REEP1: variants seen among roughly 807,000 people sequenced by gnomAD.
REEP1 encodes the protein receptor expression-enhancing protein 1.
A neutral mutation model predicts 40.3 loss-of-function variants in REEP1; 22 were observed. That is an observed-to-expected ratio of 0.55 (90% CI 0.39 to 0.78). The LOEUF is 0.78. Among genes scored for constraint, REEP1 ranks in the 30% least tolerant of loss-of-function variants. The pLI is 0.00. For synonymous variants in REEP1, 116 were observed against 139.2 expected (o/e 0.83, Z 1.17); for missense variants, 280 against 361.1 (o/e 0.78, Z 1.82).
chr2:86,272,123 G>A (rs1677488774), intron 2 of REEP1, among the ~76,000 whole-genome samples: 1 of 152,214 alleles, frequency 6.6e-6, no homozygotes, highest in Non-Finnish European at 1.5e-5. Context: ...TCAGGAGGCT[G>A]AGGCAGGAGA....
chr2:86,288,726 G>C (rs964991130), intron 1 of REEP1, among the ~76,000 whole-genome samples: 1 of 152,122 alleles, frequency 6.6e-6, no homozygotes, highest in Admixed American at 6.5e-5. Flanking sequence ...ACTCCTTCCT[G>C]CAAGTGTCTA....
upstream of REEP1, chr2:86,337,965 C>G (rs1439420053): frequency 2.8e-6 from 4 of 1,443,132 alleles, no homozygotes; most frequent in African/African-American, 1.4e-5. The surrounding 1 kb of genome is among the most constrained non-coding windows in gnomAD (Gnocchi z 5.8). Context: ...CTGCACCTGT[C>G]TAGGTGGGAT....
intron 5 of REEP1, among the ~76,000 whole-genome samples, chr2:86,248,525 G>T (rs1676091831): frequency 6.6e-6 from 1 of 152,022 alleles, no homozygotes; most frequent in South Asian, 2.1e-4. Context: ...ATGGTTCACT[G>T]CAGTTTCTAC....
chr2:86,252,188 CT>C, intron 4 of REEP1, 118 bp from the exon 5 acceptor site: 1 of 775,244 alleles, frequency 1.3e-6, no homozygotes, highest in South Asian at 1.4e-5. Flanking sequence ...CTTGCTGGGC[CT>C]GAAAAGCTGT....
intron 5 of REEP1, among the ~76,000 whole-genome samples, chr2:86,237,176 G>A (rs1217525546): frequency 6.6e-6 from 1 of 151,834 alleles, no homozygotes; most frequent in African/African-American, 2.4e-5. Context: ...GACAACTGAA[G>A]CCCCTGAGTG....
At chr2:86,262,585 G>A (rs1441812869) in intron 3 of REEP1, among the ~76,000 whole-genome samples, 1 of 152,222 alleles carries the variant, frequency 6.6e-6, no homozygotes, top group Admixed American at 6.5e-5. Context: ...ACAGGATTCA[G>A]AGAGTGCTAT....
At chr2:86,282,272 G>T (rs192715169) in intron 1 of REEP1, 30 bp from the exon 2 acceptor site, 46 of 1,464,932 alleles carry the variant, frequency 3.1e-5, no homozygotes, top group Non-Finnish European at 4.1e-5. Flanking sequence ...AAATAAATAC[G>T]ATTTTTCATT....
intron 2 of REEP1, among the ~76,000 whole-genome samples, chr2:86,274,691 A>G (rs1677643547): frequency 6.6e-6 from 1 of 152,208 alleles, no homozygotes; most frequent in Admixed American, 6.5e-5. Context: ...GCCTTCAGTC[A>G]GAATAGAGAG....
chr2:86,219,079 G>A (rs1371283560), intron 8 of REEP1, among the ~76,000 whole-genome samples: 1 of 152,166 alleles, frequency 6.6e-6, no homozygotes. Flanking sequence ...CAAGGCCCAG[G>A]AGGCTCCAGG....
intron 1 of REEP1, among the ~76,000 whole-genome samples, chr2:86,319,095 AGT>A (rs139990340): frequency 0.03 from 4,585 of 152,284 alleles, 118 homozygotes; most frequent in East Asian, 0.069. Context: ...GGCTTGACAG[AGT>A]GTCACGCACA....
chr2:86,279,628 A>C (rs1467174558), intron 2 of REEP1, among the ~76,000 whole-genome samples: 1 of 152,214 alleles, frequency 6.6e-6, no homozygotes, highest in Non-Finnish European at 1.5e-5. Context: ...TGAATCCTTA[A>C]AGTGGAGAAC....
chr2:86,275,369 C>G (rs115150864), intron 2 of REEP1, among the ~76,000 whole-genome samples: 1 of 152,364 alleles, frequency 6.6e-6, no homozygotes, highest in African/African-American at 2.4e-5. Context: ...ATTCTTGATG[C>G]TCTGGCATCT....
In REEP1 at chr2:86,271,081, A is replaced by C. The variant is rs185750051; in HGVS notation, c.106-7040T>G. Among the ~76,000 whole-genome samples the C allele has an allele frequency of 2.0e-4, 30 of 152,150 alleles. 2 individuals carry two copies. In the East Asian group the frequency reaches 5.8e-3, roughly 29 times the overall value. On this transcript the variant is annotated intron_variant, in intron 2 of 8. Coordinates refer to ENST00000538924, the MANE Select transcript of REEP1 (RefSeq NM_001371279.1). ...GTGGTGAGTGCCTGTAGTCCCAGTT[A>C]CTTGGGAGGCTGAGGCACAAGAATT... is the stretch of plus-strand genomic sequence containing the variant.
intron 1 of REEP1, among the ~76,000 whole-genome samples, chr2:86,302,259 G>A (rs1371153706): frequency 1.3e-5 from 2 of 152,236 alleles, no homozygotes. Flanking sequence ...CAGCCTCTAG[G>A]GCTGCAATGG....
chr2:86,241,122 C>A (rs973873081), intron 5 of REEP1, among the ~76,000 whole-genome samples: 1 of 152,208 alleles, frequency 6.6e-6, no homozygotes, highest in Non-Finnish European at 1.5e-5. Flanking sequence ...CCAGGAGGGA[C>A]CCTCCACATA....
intron 2 of REEP1, 79 bp from the exon 3 acceptor site, chr2:86,264,120 G>A (rs548080334): frequency 1.2e-5 from 13 of 1,113,984 alleles, no homozygotes; most frequent in South Asian, 8.7e-5. Context: ...AACAGGCCCC[G>A]GCGGCAGATA....
intron 5 of REEP1, among the ~76,000 whole-genome samples, chr2:86,240,245 C>T (rs552391167): frequency 2.0e-5 from 3 of 152,172 alleles, no homozygotes; most frequent in East Asian, 1.9e-4. Flanking sequence ...CGTGAAGCAC[C>T]GCAGAGGAAC....
At chr2:86,264,297 C>G (rs1015605025) in intron 2 of REEP1, among the ~76,000 whole-genome samples, 1 of 152,096 alleles carries the variant, frequency 6.6e-6, no homozygotes, top group Non-Finnish European at 1.5e-5. Context: ...GGGAGACCTG[C>G]GGACCAAGAG....
chr2:86,280,978 C>T (rs994505218), intron 2 of REEP1, among the ~76,000 whole-genome samples: 1 of 152,232 alleles, frequency 6.6e-6, no homozygotes, highest in African/African-American at 2.4e-5. Flanking sequence ...ACCCACCCCA[C>T]TGTTCAGATG....
Sources: allele counts gnomAD v4.1 joint callset (sites outside exome capture counted in the v4.1 genomes callset), GRCh38; gene constraint gnomAD v4.1.1; non-coding constraint Gnocchi (gnomAD v3.1); transcripts MANE v1.5; gene names NCBI Gene and HGNC (gene_info 2026-07-23, HGNC 2026-07-21).